The following TGFB3 variants were observed in gnomAD, a reference collection of about 807,000 sequenced individuals.
The protein encoded by TGFB3 is transforming growth factor beta-3 proprotein.
A neutral mutation model predicts 40.1 loss-of-function variants in TGFB3; 5 were observed. The ratio of observed to expected loss-of-function variants is 0.12; its 90% CI spans 0.07 to 0.26. The LOEUF is 0.26. Among genes scored for constraint, TGFB3 ranks in the 10% least tolerant of loss-of-function variants. The pLI, the probability that TGFB3 is intolerant of heterozygous loss-of-function variation, is 1.00. For missense variants in TGFB3, 373 were observed against 530.1 expected (o/e 0.70, Z 2.91); for synonymous variants, 184 against 205.6 (o/e 0.89, Z 0.90).
intron 3 of TGFB3, among the ~76,000 whole-genome samples, chr14:75,968,018 C>T (rs139896541): frequency 4.7e-4 from 71 of 152,324 alleles, no homozygotes; most frequent in Non-Finnish European, 9.6e-4. Context: ...GGAGGCCTGG[C>T]CCTGCCTAGC....
At position 75,965,709 on chromosome 14, in the gene TGFB3, C is replaced by T; in HGVS notation, c.647-14G>A. On this transcript the variant is annotated splice_polypyrimidine_tract_variant and intron_variant, in intron 3 of 6. Coordinates refer to ENST00000238682, the MANE Select transcript of TGFB3 (RefSeq NM_003239.5). ...CTAAGTTGGACTCTGCAAAATAAGA[C>T]AGAATTAGTGAGAAAAGCACCTCTG... 6.2e-7 allele frequency: 1 copy of T among 1,606,250 alleles called. No homozygotes were observed. The highest frequency in any genetic ancestry group is 8.5e-7 in the Non-Finnish European group (1 of 1,172,912).
At chr14:75,960,552 T>C (rs1303208125) in intron 6 of TGFB3, among the ~76,000 whole-genome samples, 2 of 152,232 alleles carry the variant, frequency 1.3e-5, no homozygotes, top group African/African-American at 4.8e-5. Flanking sequence ...AGAGTAAGTT[T>C]TCTACATTCG....
chr14:75,963,400 A>G lies in TGFB3; in HGVS notation c.842T>C (p.Met281Thr), dbSNP rs1325349711. 3.1e-6 allele frequency: 5 copies of G among 1,614,098 alleles called. No homozygotes were observed. The highest frequency in any genetic ancestry group is 2.2e-5 in the East Asian group (1 of 44,872). Residue 281 changes from methionine (M) to threonine (T), a missense_variant, in exon 5 of 7, where the codon ATG becomes ACG. Physicochemically the swap from Met to Thr is moderately conservative, Grantham distance 81 (BLOSUM62 -1). Coordinates refer to ENST00000238682, the MANE Select transcript of TGFB3 (RefSeq NM_003239.5). ...KDHHNPHLIL[M>T]MIPPHRLDNP... Reference sequence around the variant, plus strand: ...GTCGAGCCGGTGTGGGGGAATCATCATGAGGATTAGATGAGGGTTGTGGTG... The same window carrying G: ...GTCGAGCCGGTGTGGGGGAATCATCGTGAGGATTAGATGAGGGTTGTGGTG...
intron 1 of TGFB3, among the ~76,000 whole-genome samples, chr14:75,977,140 G>A (rs1319677862): frequency 6.6e-6 from 1 of 152,204 alleles, no homozygotes; most frequent in African/African-American, 2.4e-5. Context: ...AGCAGCTAGA[G>A]AACAAAGACT....
At chr14:75,961,513 G>A (rs1374182763) in intron 5 of TGFB3, among the ~76,000 whole-genome samples, 1 of 152,168 alleles carries the variant, frequency 6.6e-6, no homozygotes, top group Non-Finnish European at 1.5e-5. Flanking sequence ...GGTGACTGCT[G>A]AGACTCAATC....
chr14:75,971,366 T>A lies in TGFB3; in HGVS notation c.517-111A>T. ...CGATAGGAAACCAGTGGTTCCTGAA[T>A]GCCATGGCCCTCGAGCACCTTAGCT... On this transcript the variant is annotated intron_variant, in intron 2 of 6. Transcript: ENST00000238682. The surrounding 1 kb of genome is among the most constrained non-coding windows in gnomAD (Gnocchi z 4.5). 1 of 1,564,786 alleles carries A rather than the reference T, an allele frequency of 6.4e-7. No individual in the cohort carries two copies. Among genetic ancestry groups the A allele is most frequent in the Non-Finnish European group, 8.7e-7 (1 of 1,144,416 alleles).
chr14:75,959,125 C>T lies in TGFB3; in HGVS notation c.*62G>A, dbSNP rs1429448648. 15 of 1,609,530 alleles carry T rather than the reference C, an allele frequency of 9.3e-6. No homozygotes were observed. The highest frequency in any genetic ancestry group is 1.7e-5 in the Admixed American group (1 of 59,950). On this transcript the variant is annotated 3_prime_UTR_variant, in exon 7 of 7. Coordinates refer to ENST00000238682, the MANE Select transcript of TGFB3 (RefSeq NM_003239.5). ...TGAGGTTTGTTGCTTGTGTGTTTCC[C>T]GAGGAGCGGGCAGTCAGGCAGTGGT...
Position 75,981,906 on chromosome 14 carries a change from G to T in TGFB3, c.-1013C>A. 1 of 152,448 alleles carries T rather than the reference G, an allele frequency of 6.6e-6. No homozygotes were observed. 9.4% of individuals were successfully genotyped at this position (152,448 alleles called of 1,614,324 possible). On this transcript the variant is annotated 5_prime_UTR_variant, in exon 1 of 7. Transcript: ENST00000238682. This position sits in a 1 kb window ranked among gnomAD's most constrained non-coding sequence, Gnocchi z 4.7. ...CTCATTCCCTTGGACTTGACTCTCT[G>T]CTTCCCTCCCTTTCTCTCTCTCCCT...
intron 1 of TGFB3, among the ~76,000 whole-genome samples, chr14:75,976,695 C>G (rs1177851346): frequency 6.6e-6 from 1 of 152,126 alleles, no homozygotes. Context: ...TGGCTGGGCA[C>G]GTGGGCTCCA....
Position 75,980,469 on chromosome 14 carries a change from C to T in TGFB3, c.352+73G>A. On this transcript the variant is annotated intron_variant, in intron 1 of 6. Coordinates refer to ENST00000238682, the MANE Select transcript of TGFB3 (RefSeq NM_003239.5). This position sits in a 1 kb window ranked among gnomAD's most constrained non-coding sequence, Gnocchi z 4.3. ...ACCCTGCTGTGTGGCCAGCACTAGG[C>T]CCCCCTCTGCAGAGCTCCCAGCTCC... The T allele has an allele frequency of 1.4e-6, 2 of 1,478,284 alleles. No individual in the cohort carries two copies. Among genetic ancestry groups the T allele is most frequent in the East Asian group, 4.5e-5 (2 of 44,228 alleles). 91.6% of individuals were successfully genotyped at this position (1,478,284 alleles called of 1,614,324 possible). A position where few individuals can be genotyped will look rare whatever the true frequency, so the allele number is the denominator to read the frequency against.
intron 3 of TGFB3, among the ~76,000 whole-genome samples, chr14:75,969,518 T>A (rs1167864616): frequency 6.6e-6 from 1 of 152,228 alleles, no homozygotes; most frequent in Admixed American, 6.5e-5. Flanking sequence ...AAAAGCTTAC[T>A]CTTGTAAAAC....
At chr14:75,965,198 AG>A (rs2035207004) in intron 4 of TGFB3, among the ~76,000 whole-genome samples, 1 of 152,196 alleles carries the variant, frequency 6.6e-6, no homozygotes, top group Non-Finnish European at 1.5e-5. Context: ...AATTTCTTTT[AG>A]GGAGGAGGAA....
chr14:75,970,109 C>A (rs1372106892), intron 3 of TGFB3, among the ~76,000 whole-genome samples: 2 of 152,138 alleles, frequency 1.3e-5, no homozygotes, highest in Non-Finnish European at 2.9e-5. Flanking sequence ...GGCAGATCCA[C>A]GTGGGTTCTC....
rs748001966 is a variant in TGFB3, at chr14:75,971,262, G to T, written c.517-7C>A. On this transcript the variant is annotated splice_region_variant and splice_polypyrimidine_tract_variant and intron_variant, in intron 2 of 6. Coordinates refer to ENST00000238682, the MANE Select transcript of TGFB3 (RefSeq NM_003239.5). This position sits in a 1 kb window ranked among gnomAD's most constrained non-coding sequence, Gnocchi z 4.5. The stretch of plus-strand genomic sequence containing the variant: ...GCTCATCTGGCCGAAGGATCTACAG[G>T]GCAGAGAAAGGAGTGAGTACCCGAG... The T allele has an allele frequency of 1.9e-6, 3 of 1,614,110 alleles. No individual in the cohort carries two copies. In the South Asian group the frequency reaches 3.3e-5, roughly 18 times the overall value.
rs779502039 is a variant in TGFB3, at chr14:75,980,570, G to A, written c.324C>T (p.Phe108=). The change falls in exon 1 of 7, where the codon TTC becomes TTT. Residue 108 remains phenylalanine, a synonymous_variant. Coordinates refer to ENST00000238682, the MANE Select transcript of TGFB3 (RefSeq NM_003239.5). This position sits in a 1 kb window ranked among gnomAD's most constrained non-coding sequence, Gnocchi z 4.3. The part of the protein sequence containing the change: ...SEYYAKEIHK[F]DMIQGLAEHN... ...GCTCCGCCAGCCCCTGGATCATGTC[G>A]AATTTATGGATTTCTTTGGCATAGT... The A allele has an allele frequency of 1.9e-5, 31 of 1,614,078 alleles. No homozygotes were observed. The highest frequency in any genetic ancestry group is 1.9e-5 in the Non-Finnish European group (23 of 1,180,052).
rs2035402722 is a variant in TGFB3 at position 75,979,872 on chromosome 14, C to T, written c.352+670G>A. Reference sequence around the variant, plus strand: ...TGAATCTGTCTACTGCACAAGACTGCATGTCACCCTAAAGTACACGGCCCT... The same window carrying T: ...TGAATCTGTCTACTGCACAAGACTGTATGTCACCCTAAAGTACACGGCCCT... On this transcript the variant is annotated intron_variant, in intron 1 of 6. Transcript: ENST00000238682. This position sits in a 1 kb window ranked among gnomAD's most constrained non-coding sequence, Gnocchi z 4.8. Among the ~76,000 whole-genome samples the T allele has an allele frequency of 6.6e-6, 1 of 152,178 alleles. No individual in the cohort carries two copies. Among genetic ancestry groups the T allele is most frequent in the South Asian group, 2.1e-4 (1 of 4,830 alleles).
intron 3 of TGFB3, among the ~76,000 whole-genome samples, chr14:75,969,055 G>A (rs941569119): frequency 7.9e-5 from 12 of 152,080 alleles, no homozygotes; most frequent in African/African-American, 2.2e-4. Context: ...GAAATCTTTC[G>A]ATTTTTCAAA....
intron 1 of TGFB3, among the ~76,000 whole-genome samples, chr14:75,977,282 A>G (rs1056307775): frequency 1.3e-5 from 2 of 152,210 alleles, no homozygotes; most frequent in Non-Finnish European, 2.9e-5. Flanking sequence ...TGACACCTAC[A>G]TTGGTGATAC....
intron 6 of TGFB3, 37 bp downstream of exon 6, chr14:75,960,886 G>T: frequency 6.2e-7 from 1 of 1,613,824 alleles, no homozygotes; most frequent in Non-Finnish European, 8.5e-7. Flanking sequence ...TGGTCGGTCA[G>T]CCCCAGTGCC....
Sources: allele counts gnomAD v4.1 joint callset (sites outside exome capture counted in the v4.1 genomes callset), GRCh38; gene constraint gnomAD v4.1.1; non-coding constraint Gnocchi (gnomAD v3.1); transcripts MANE v1.5; gene names NCBI Gene and HGNC (gene_info 2026-07-23, HGNC 2026-07-21).